ASXL1: variants seen among roughly 807,000 people sequenced by gnomAD.
The protein encoded by ASXL1 is polycomb group protein ASXL1.
ASXL1 carries 65 observed loss-of-function variants against 89.1 expected under a neutral mutation model. That is an observed-to-expected ratio of 0.73 (90% CI 0.60 to 0.90). ASXL1 has a LOEUF of 0.90. Among genes scored for constraint, ASXL1 ranks in the 40% least tolerant of loss-of-function variants. ASXL1 has a pLI of 0.00. For missense variants in ASXL1, 1,786 were observed against 1,942.9 expected, an observed-to-expected ratio of 0.92 and a Z score of 1.52; for synonymous variants, 739 against 746.9, an observed-to-expected ratio of 0.99 and a Z score of 0.17.
At chr20:32,363,086 T>C (rs1228185348) in intron 1 of ASXL1, among the ~76,000 whole-genome samples, 1 of 152,180 alleles carries the variant, frequency 6.6e-6, no homozygotes, top group Non-Finnish European at 1.5e-5. Flanking sequence ...AATAGAACAC[T>C]GCTGACTTGT....
chr20:32,422,361 A>AG (rs900136070), intron 4 of ASXL1, among the ~76,000 whole-genome samples: 3 of 150,042 alleles, frequency 2.0e-5, no homozygotes, highest in Non-Finnish European at 4.4e-5. Context: ...GAAGGATAGG[A>AG]GGAGGTATAC....
chr20:32,430,152 T>C (rs1003600247), intron 8 of ASXL1, 99 bp downstream of exon 8: 1 of 1,434,580 alleles, frequency 7.0e-7, no homozygotes, highest in Non-Finnish European at 9.2e-7. Flanking sequence ...ACCAGTTTAT[T>C]TTTACTTCTT....
intron 3 of ASXL1, among the ~76,000 whole-genome samples, chr20:32,368,732 A>C (rs1013784398): frequency 6.6e-6 from 1 of 152,232 alleles, no homozygotes; most frequent in Non-Finnish European, 1.5e-5. Flanking sequence ...AGGTTTTTCT[A>C]AATTTCTTGG....
Position 32,436,936 on chromosome 20 carries a change from G to C in ASXL1, c.4224G>C (p.Leu1408Phe). ...HLEGMPFVMD[L>F]PFWKLPREPG... is the part of the protein sequence containing the mutation. ...AAGGGATGCCCTTTGTCATGGACTTGCCCTTCTGGAAATTACCCCGAGAGC... is the reference window on the plus strand; with the variant it reads ...AAGGGATGCCCTTTGTCATGGACTTCCCCTTCTGGAAATTACCCCGAGAGC... The change falls in exon 13 of 13, where the codon TTG (leucine) becomes TTC (phenylalanine). Residue 1408 changes from leucine to phenylalanine, a missense_variant. Physicochemically the swap from Leu to Phe is conservative, Grantham distance 22. Transcript: ENST00000375687. The C allele has an allele frequency of 6.2e-7, 1 of 1,614,182 alleles. No individual in the cohort carries two copies. The highest frequency in any genetic ancestry group is 8.5e-7 in the Non-Finnish European group (1 of 1,180,046).
chr20:32,411,978 A>C (rs2049056230), intron 4 of ASXL1, among the ~76,000 whole-genome samples: 1 of 152,046 alleles, frequency 6.6e-6, no homozygotes, highest in Non-Finnish European at 1.5e-5. Flanking sequence ...ATTCCTGAAC[A>C]CTTCTTTACT....
At chr20:32,364,978 G>C (rs6058662) in intron 1 of ASXL1, among the ~76,000 whole-genome samples, 11 of 152,298 alleles carry the variant, frequency 7.2e-5, no homozygotes, top group African/African-American at 2.6e-4. Context: ...GGACTTGGCG[G>C]ACAGATGAGC....
Position 32,429,306 on chromosome 20 carries a change from TG to T in ASXL1, c.472-29del. The T allele has an allele frequency of 1.2e-6, 2 of 1,606,694 alleles. No homozygotes were observed. Among genetic ancestry groups the T allele is most frequent in the Non-Finnish European group, 8.5e-7 (1 of 1,174,040 alleles). On this transcript the variant is annotated intron_variant, in intron 6 of 12. Transcript: ENST00000375687. The surrounding 1 kb of genome is among the most constrained non-coding windows in gnomAD (Gnocchi z 4.9). ...TGCTTTTGTGGCTCTGCAGTTGACT[TG>T]GGCTCTCTTTTGTTCTCTCTTGGAA...
At chr20:32,409,794 T>G (rs1395491383) in intron 4 of ASXL1, among the ~76,000 whole-genome samples, 1 of 152,192 alleles carries the variant, frequency 6.6e-6, no homozygotes, top group Non-Finnish European at 1.5e-5. Flanking sequence ...TACCTATTCT[T>G]TTCTAATGCC....
chr20:32,359,455 G>T, intron 1 of ASXL1: 1 of 695,650 alleles, frequency 1.4e-6, no homozygotes, highest in Non-Finnish European at 2.6e-6. Context: ...AGGGCCCTTC[G>T]TAAGACCTGC....
chr20:32,389,378 T>G (rs1427454239), intron 4 of ASXL1, among the ~76,000 whole-genome samples: 1 of 152,204 alleles, frequency 6.6e-6, no homozygotes, highest in Non-Finnish European at 1.5e-5. Flanking sequence ...TTGGGTTGTT[T>G]CTGGTTCTTG....
chr20:32,434,653 G>GGGTGGA lies in ASXL1; in HGVS notation c.1947_1952dup (p.Gly652_Gly653dup). 1 of 1,604,328 alleles carries GGGTGGA rather than the reference G, an allele frequency of 6.2e-7. No individual in the cohort carries two copies. Among genetic ancestry groups the GGGTGGA allele is most frequent in the South Asian group, 1.1e-5 (1 of 90,432 alleles). ...CTGCCATCGGAGGGGGGGGTGGCCC[G>GGGTGGA]GGTGGAGGTGGCGGCGGGGCCACCG... On this transcript the variant is annotated inframe_insertion, in exon 13 of 13. Coordinates refer to ENST00000375687, the MANE Select transcript of ASXL1 (RefSeq NM_015338.6).
intron 4 of ASXL1, among the ~76,000 whole-genome samples, chr20:32,378,882 C>T (rs2048434416): frequency 6.6e-6 from 1 of 151,750 alleles, no homozygotes. Context: ...AATCCCAGCA[C>T]TTTGGGAGGC....
rs201855412 is a variant in ASXL1, at chr20:32,421,315, A to C, written c.253-6813A>C. On this transcript the variant is annotated intron_variant, in intron 4 of 12. Transcript: ENST00000375687. ...GGCAAATTAAAATGAAAATCATTGAAATCTAGCACTCTGAATTAAAATTAA... is the reference window on the plus strand; with the variant it reads ...GGCAAATTAAAATGAAAATCATTGACATCTAGCACTCTGAATTAAAATTAA... 3.3e-5 allele frequency among the ~76,000 whole-genome samples: 5 copies of C among 152,244 alleles called. No individual in the cohort carries two copies. In the East Asian group the frequency reaches 9.6e-4, roughly 29 times the overall value.
In ASXL1 at chr20:32,429,270, T is replaced by C; in HGVS notation, c.472-68T>C. 6.9e-7 allele frequency: 1 copy of C among 1,459,740 alleles called. No individual in the cohort carries two copies. Among genetic ancestry groups the C allele is most frequent in the Admixed American group, 1.8e-5 (1 of 54,782 alleles). The allele number at this position is 1,459,740 out of a possible 1,614,324, so 90.4% of individuals were successfully genotyped here. Reference sequence around the variant, plus strand: ...TACAAGAGCGTGAGTAGAGATAGTGTCGCCAGGGAATGCTTTTGTGGCTCT... The same window carrying C: ...TACAAGAGCGTGAGTAGAGATAGTGCCGCCAGGGAATGCTTTTGTGGCTCT... On this transcript the variant is annotated intron_variant, in intron 6 of 12. Transcript: ENST00000375687. The surrounding 1 kb of genome is among the most constrained non-coding windows in gnomAD (Gnocchi z 4.9).
intron 4 of ASXL1, among the ~76,000 whole-genome samples, chr20:32,418,919 G>A (rs915441518): frequency 3.9e-5 from 5 of 126,828 alleles, no homozygotes; most frequent in African/African-American, 1.2e-4. Flanking sequence ...TGTAATCTCC[G>A]CCTCCCAGCT....
At chr20:32,390,398 CT>C (rs1328817075) in intron 4 of ASXL1, among the ~76,000 whole-genome samples, 3 of 152,030 alleles carry the variant, frequency 2.0e-5, no homozygotes, top group Non-Finnish European at 4.4e-5. Flanking sequence ...GGAAATTCAC[CT>C]TTTTTTGTGT....
chr20:32,368,993 C>A, intron 3 of ASXL1, 22 bp from the exon 4 acceptor site: 1 of 1,575,834 alleles, frequency 6.3e-7, no homozygotes, highest in Non-Finnish European at 8.7e-7. Flanking sequence ...TAACCCTCAT[C>A]CATTCTTTTG....
At position 32,437,041 on chromosome 20, in the gene ASXL1, G is replaced by A. The variant is rs1467663212; in HGVS notation, c.4329G>A (p.Lys1443=). ...GCATCAAGCAGGCATTTTATGGGAAGCTTTCTAAACTCCAACTGAGTTCCA... is the reference window on the plus strand; with the variant it reads ...GCATCAAGCAGGCATTTTATGGGAAACTTTCTAAACTCCAACTGAGTTCCA... ...QLSIKQAFYG[K]LSKLQLSSTS... The change falls in exon 13 of 13, where the codon AAG becomes AAA. Residue 1443 remains lysine (K), a synonymous_variant. Coordinates refer to ENST00000375687, the MANE Select transcript of ASXL1 (RefSeq NM_015338.6). 3.1e-6 allele frequency: 5 copies of A among 1,614,126 alleles called. No individual in the cohort carries two copies. Among genetic ancestry groups the A allele is most frequent in the Non-Finnish European group, 4.2e-6 (5 of 1,180,032 alleles).
At chr20:32,379,770 G>A (rs1383270557) in intron 4 of ASXL1, among the ~76,000 whole-genome samples, 1 of 151,654 alleles carries the variant, frequency 6.6e-6, no homozygotes, top group Non-Finnish European at 1.5e-5. Flanking sequence ...AGGTTGCAGT[G>A]AGCTGAGATC....
Sources: allele counts gnomAD v4.1 joint callset (sites outside exome capture counted in the v4.1 genomes callset), GRCh38; gene constraint gnomAD v4.1.1; non-coding constraint Gnocchi (gnomAD v3.1); transcripts MANE v1.5; gene names NCBI Gene and HGNC (gene_info 2026-07-23, HGNC 2026-07-21).